SPAG16: variants seen among roughly 807,000 people sequenced by gnomAD.
The protein encoded by SPAG16 is sperm associated antigen 16.
In SPAG16, 86 loss-of-function variants were observed where a neutral mutation model predicts 80.4. The observed-to-expected ratio is 1.07, with a 90% confidence interval of 0.90 to 1.28. The LOEUF is 1.28. Ranked by LOEUF, SPAG16 falls within the 50% of genes most tolerant of loss-of-function variation. The pLI is 0.00. For missense variants in SPAG16, 870 were observed against 765.3 expected, an observed-to-expected ratio of 1.14 and a Z score of -1.61; for synonymous variants, 294 against 265.9, an observed-to-expected ratio of 1.11 and a Z score of -1.03.
chr2:213,502,421 C>T (rs768041585), intron 10 of SPAG16, among the ~76,000 whole-genome samples: 10 of 152,088 alleles, frequency 6.6e-5, no homozygotes, highest in Non-Finnish European at 1.0e-4. Context: ...CTGCACCTGT[C>T]TCAAAATTTC....
chr2:213,957,327 A>G (rs1206373756), intron 12 of SPAG16, among the ~76,000 whole-genome samples: 3 of 152,156 alleles, frequency 2.0e-5, no homozygotes, highest in Non-Finnish European at 4.4e-5. Context: ...TACAATTATT[A>G]TATCTTCTTG....
chr2:213,532,518 G>A (rs1444576080), intron 10 of SPAG16, among the ~76,000 whole-genome samples: 3 of 148,274 alleles, frequency 2.0e-5, no homozygotes, highest in African/African-American at 5.1e-5. Context: ...CTAGAGTTAA[G>A]TGTTGCCATC....
intron 15 of SPAG16, among the ~76,000 whole-genome samples, chr2:214,248,284 CTTATATTATTATTA>C (rs1689994316): frequency 7.5e-6 from 1 of 134,106 alleles, no homozygotes; most frequent in African/African-American, 2.8e-5. Context: ...GGGTACTATT[CTTATATTATTATTA>C]TTATTATTAT....
At chr2:214,168,195 T>G (rs547026502) in intron 15 of SPAG16, among the ~76,000 whole-genome samples, 14 of 151,940 alleles carry the variant, frequency 9.2e-5, no homozygotes, top group African/African-American at 3.4e-4. Flanking sequence ...ATTCACCATA[T>G]TGGCCAGGCT....
chr2:214,396,378 G>C (rs1701382642), intron 15 of SPAG16, among the ~76,000 whole-genome samples: 1 of 151,946 alleles, frequency 6.6e-6, no homozygotes, highest in Non-Finnish European at 1.5e-5. Flanking sequence ...TATATACCTA[G>C]TTTTAGAATA....
chr2:214,088,411 C>A (rs1011235569), intron 13 of SPAG16, among the ~76,000 whole-genome samples: 1 of 151,940 alleles, frequency 6.6e-6, no homozygotes, highest in African/African-American at 2.4e-5. Context: ...GCACCTGCTC[C>A]CAGCACTCAC....
intron 10 of SPAG16, among the ~76,000 whole-genome samples, chr2:213,849,507 T>C (rs1046157201): frequency 2.6e-5 from 4 of 152,208 alleles, no homozygotes; most frequent in Non-Finnish European, 5.9e-5. Flanking sequence ...AATTTATTTA[T>C]AAAATAGATA....
At chr2:214,279,103 CTTTTTT>C (rs35554459) in intron 15 of SPAG16, among the ~76,000 whole-genome samples, 1 of 128,254 alleles carries the variant, frequency 7.8e-6, no homozygotes, top group African/African-American at 3.0e-5. Context: ...ATGAAACAAG[CTTTTTT>C]TTTTTTTTTT....
At chr2:214,170,745 A>G (rs1333093112) in intron 15 of SPAG16, among the ~76,000 whole-genome samples, 1 of 151,980 alleles carries the variant, frequency 6.6e-6, no homozygotes, top group Non-Finnish European at 1.5e-5. Context: ...GTAGCTTGAA[A>G]CAGTGAATTT....
chr2:213,329,798 G>A (rs1391209574), intron 5 of SPAG16, among the ~76,000 whole-genome samples: 1 of 152,148 alleles, frequency 6.6e-6, no homozygotes, highest in African/African-American at 2.4e-5. Context: ...GCCATCACAA[G>A]CCCAGAGGCT....
intron 10 of SPAG16, among the ~76,000 whole-genome samples, chr2:213,661,924 G>A (rs1250461386): frequency 6.6e-6 from 1 of 152,108 alleles, no homozygotes; most frequent in Non-Finnish European, 1.5e-5. Context: ...CCTCCTCAAA[G>A]ACTGTGCTGA....
chr2:214,089,752 G>T (rs1421986672), intron 13 of SPAG16, among the ~76,000 whole-genome samples: 1 of 151,924 alleles, frequency 6.6e-6, no homozygotes, highest in African/African-American at 2.4e-5. Flanking sequence ...ATTCTCTGAG[G>T]TTCTCTAAGA....
intron 10 of SPAG16, among the ~76,000 whole-genome samples, chr2:213,824,930 T>C (rs2125702335): frequency 6.6e-6 from 1 of 152,222 alleles, no homozygotes; most frequent in East Asian, 1.9e-4. Context: ...GTTTTCATTG[T>C]ATATGTTTCA....
chr2:214,135,538 T>C (rs1476956049), intron 14 of SPAG16, among the ~76,000 whole-genome samples: 1 of 152,102 alleles, frequency 6.6e-6, no homozygotes, highest in African/African-American at 2.4e-5. Context: ...TAATTTCCAG[T>C]GTAATGGTGT....
At chr2:214,106,551 G>A (rs1421502474) in intron 13 of SPAG16, among the ~76,000 whole-genome samples, 1 of 152,122 alleles carries the variant, frequency 6.6e-6, no homozygotes, top group Non-Finnish European at 1.5e-5. Context: ...AACTTGCTGA[G>A]TACAATGACG....
At chr2:213,932,780 A>C (rs925796568) in intron 12 of SPAG16, among the ~76,000 whole-genome samples, 1 of 152,182 alleles carries the variant, frequency 6.6e-6, no homozygotes, top group African/African-American at 2.4e-5. Flanking sequence ...ATCAAGATTC[A>C]TATTTACTGA....
intron 10 of SPAG16, among the ~76,000 whole-genome samples, chr2:213,853,058 C>G (rs1270977349): frequency 6.6e-6 from 1 of 152,164 alleles, no homozygotes; most frequent in African/African-American, 2.4e-5. Flanking sequence ...AAGTGGTCAT[C>G]TAATGTTCAC....
At chr2:214,262,460 A>G (rs141530882) in intron 15 of SPAG16, among the ~76,000 whole-genome samples, 62 of 152,142 alleles carry the variant, frequency 4.1e-4, no homozygotes, top group African/African-American at 1.5e-3. Context: ...CAATAATGTG[A>G]TATTTATGTT....
intron 10 of SPAG16, among the ~76,000 whole-genome samples, chr2:213,808,306 A>T (rs1204058986): frequency 6.6e-6 from 1 of 152,182 alleles, no homozygotes; most frequent in African/African-American, 2.4e-5. Flanking sequence ...CAACAAATGC[A>T]AAGATCCTAA....
Sources: gnomAD v4.1 joint callset for allele counts (sites outside exome capture counted in the v4.1 genomes callset) on GRCh38, gnomAD v4.1.1 for gene constraint, MANE v1.5 for transcripts, NCBI Gene and HGNC (gene_info 2026-07-23, HGNC 2026-07-21) for gene names.